Variants in CBL observed in about 807,000 individuals in gnomAD.
CBL encodes Cbl proto-oncogene.
A neutral mutation model predicts 96.9 loss-of-function variants in CBL; 45 were observed. The ratio of observed to expected loss-of-function variants is 0.46; its 90% CI spans 0.37 to 0.60. CBL has a LOEUF of 0.60. Among genes scored for constraint, CBL ranks in the 20% least tolerant of loss-of-function variants. The probability of loss-of-function intolerance (pLI) is 0.00; values close to 1 mark genes in which losing one functional copy is unlikely to be tolerated. For synonymous variants in CBL, 420 were observed against 426.8 expected (o/e 0.98, Z 0.20); for missense variants, 1,024 against 1,143.5 (o/e 0.90, Z 1.51).
chr11:119,208,050 A>C (rs1949288021), intron 1 of CBL, among the ~76,000 whole-genome samples: 1 of 152,220 alleles, frequency 6.6e-6, no homozygotes, highest in African/African-American at 2.4e-5. Flanking sequence ...AATTAATGAC[A>C]CAAGTATTCG....
chr11:119,267,418 C>A (rs534775335), intron 2 of CBL, among the ~76,000 whole-genome samples: 3 of 152,176 alleles, frequency 2.0e-5, no homozygotes, highest in Admixed American at 2.0e-4. Flanking sequence ...ATCTTTGATC[C>A]AACATAGTGC....
intron 2 of CBL, among the ~76,000 whole-genome samples, chr11:119,262,062 G>A (rs528085206): frequency 6.6e-6 from 1 of 152,284 alleles, no homozygotes; most frequent in Admixed American, 6.5e-5. Flanking sequence ...AACACTAAGT[G>A]ATCGAGTTGA....
chr11:119,255,476 A>G (rs919692301), intron 2 of CBL, among the ~76,000 whole-genome samples: 6 of 152,180 alleles, frequency 3.9e-5, no homozygotes, highest in African/African-American at 1.4e-4. Context: ...TGAATTGTTC[A>G]TAAATTTGCA....
chr11:119,239,278 T>A (rs1443413654), intron 2 of CBL, among the ~76,000 whole-genome samples: 1 of 152,214 alleles, frequency 6.6e-6, no homozygotes, highest in Non-Finnish European at 1.5e-5. Context: ...GCCTTACTTA[T>A]ATCTTCTTTA....
At chr11:119,278,833 G>A in intron 9 of CBL, 120 bp downstream of exon 9, 1 of 791,626 alleles carries the variant, frequency 1.3e-6, no homozygotes, top group South Asian at 1.5e-5. Context: ...TATTTATTGA[G>A]CATTTACTAT....
chr11:119,279,443 C>T (rs1019562700), intron 9 of CBL, among the ~76,000 whole-genome samples: 8 of 151,716 alleles, frequency 5.3e-5, no homozygotes, highest in Non-Finnish European at 7.4e-5. Flanking sequence ...CCCAGCAATT[C>T]GACATAGCAA....
chr11:119,280,395 G>A (rs1592402225), intron 9 of CBL, among the ~76,000 whole-genome samples: 1 of 152,140 alleles, frequency 6.6e-6, no homozygotes, highest in Non-Finnish European at 1.5e-5. Flanking sequence ...TTTTGTATGA[G>A]TAAAATAATT....
At chr11:119,258,625 A>G (rs1015982969) in intron 2 of CBL, among the ~76,000 whole-genome samples, 4 of 152,110 alleles carry the variant, frequency 2.6e-5, no homozygotes, top group African/African-American at 7.2e-5. Flanking sequence ...AAACCATTCA[A>G]TTGATCTATG....
chr11:119,303,688 CTG>C lies in CBL; in HGVS notation c.*3909_*3910del. ...TTGGTGTAAGTGTCATGGATACCGA[CTG>C]TTTTTATGTTGGAATTTGTTCCAAC... On this transcript the variant is annotated 3_prime_UTR_variant, in exon 16 of 16. Transcript: ENST00000264033. 4.3e-6 allele frequency: 1 copy of C among 233,700 alleles called. No homozygotes were observed. Among genetic ancestry groups the C allele is most frequent in the East Asian group, 6.0e-5 (1 of 16,600 alleles). The allele number at this position is 233,700 out of a possible 1,614,324, so 14.5% of individuals were successfully genotyped here.
chr11:119,297,019 C>T lies in CBL; in HGVS notation c.2138C>T (p.Thr713Ile). Residue 713 changes from threonine (T) to isoleucine (I), a missense_variant, in exon 13 of 16, where the codon ACA (threonine) becomes ATA (isoleucine). Physicochemically the swap from Thr to Ile is moderately conservative, Grantham distance 89. Coordinates refer to ENST00000264033, the MANE Select transcript of CBL (RefSeq NM_005188.4). Reference protein sequence around the residue: ...PSSRPLRPLDTSQSSRACDCD... With the variant: ...PSSRPLRPLDISQSSRACDCD... The stretch of plus-strand genomic sequence containing the variant: ...TCCAGGCCTCTACGGCCTTTGGATA[C>T]ATCCCAGAGTTCACGGTAGGTTCAC... The T allele has an allele frequency of 1.3e-6, 2 of 1,575,948 alleles. No individual in the cohort carries two copies. Among genetic ancestry groups the T allele is most frequent in the South Asian group, 2.2e-5 (2 of 90,370 alleles).
Position 119,303,418 on chromosome 11 carries a change from G to T in CBL, c.*3637G>T. 2 of 233,564 alleles carry T rather than the reference G, an allele frequency of 8.6e-6. No individual in the cohort carries two copies. The highest frequency in any genetic ancestry group is 1.7e-5 in the Non-Finnish European group (2 of 117,982). 14.5% of individuals were successfully genotyped at this position (233,564 alleles called of 1,614,324 possible). A position where few individuals can be genotyped will look rare whatever the true frequency, so the allele number is the denominator to read the frequency against. On this transcript the variant is annotated 3_prime_UTR_variant, in exon 16 of 16. Coordinates refer to ENST00000264033, the MANE Select transcript of CBL (RefSeq NM_005188.4). ...GATGACCATGTGCCAGAAATGTCAG[G>T]TATGTGTCCTTCCCTTGGCGCCACA...
intron 2 of CBL, among the ~76,000 whole-genome samples, chr11:119,246,208 C>T (rs941958261): frequency 2.6e-5 from 4 of 151,968 alleles, no homozygotes; most frequent in Admixed American, 6.6e-5. Context: ...CTCTTGACCT[C>T]GTGATCCGCC....
At chr11:119,249,956 CT>C (rs760420509) in intron 2 of CBL, among the ~76,000 whole-genome samples, 33 of 152,112 alleles carry the variant, frequency 2.2e-4, no homozygotes, top group Non-Finnish European at 4.0e-4. Context: ...CTGTGCCTGG[CT>C]TTTGTCTGCT....
Position 119,306,276 on chromosome 11 carries a change from G to T in CBL, c.*6495G>T. Reference sequence around the variant, plus strand: ...AGAAAAATGCAGCCGACCACTCCCTGTGTTTGTACAGAGCAAAGCCCAAAA... The same window carrying T: ...AGAAAAATGCAGCCGACCACTCCCTTTGTTTGTACAGAGCAAAGCCCAAAA... On this transcript the variant is annotated 3_prime_UTR_variant, in exon 16 of 16. Coordinates refer to ENST00000264033, the MANE Select transcript of CBL (RefSeq NM_005188.4). 2 of 398,636 alleles carry T rather than the reference G, an allele frequency of 5.0e-6. No homozygotes were observed. Among genetic ancestry groups the T allele is most frequent in the East Asian group, 7.1e-5 (2 of 28,076 alleles). 24.7% of individuals were successfully genotyped at this position (398,636 alleles called of 1,614,324 possible). A position where few individuals can be genotyped will look rare whatever the true frequency, so the allele number is the denominator to read the frequency against.
At position 119,206,339 on chromosome 11, in the gene CBL, C is replaced by A; in HGVS notation, c.-79C>A. On this transcript the variant is annotated 5_prime_UTR_variant, in exon 1 of 16. Coordinates refer to ENST00000264033, the MANE Select transcript of CBL (RefSeq NM_005188.4). ...CGGCGGCGGCCGGGAGAGGCCCCTC[C>A]TTCACGCCCTGCTTCTCTCCCTCGC... 1 of 1,178,558 alleles carries A rather than the reference C, an allele frequency of 8.5e-7. No individual in the cohort carries two copies. Among genetic ancestry groups the A allele is most frequent in the Non-Finnish European group, 1.1e-6 (1 of 892,352 alleles). The allele number at this position is 1,178,558 out of a possible 1,614,324, so 73.0% of individuals were successfully genotyped here.
At chr11:119,274,767 T>A in intron 4 of CBL, 65 bp from the exon 5 acceptor site, 1 of 1,465,514 alleles carries the variant, frequency 6.8e-7, no homozygotes, top group Non-Finnish European at 9.4e-7. Context: ...TTTTTTTTTC[T>A]CATTGCCCTC....
At chr11:119,270,436 A>ATATATTTTTT (rs1565870008) in intron 2 of CBL, among the ~76,000 whole-genome samples, 1 of 38,656 alleles carries the variant, frequency 2.6e-5, no homozygotes. Flanking sequence ...ATATATATAT[A>ATATATTTTTT]TTTTTTTTTT....
In CBL at chr11:119,278,570, G is replaced by A. The variant is rs991981291; in HGVS notation, c.1288G>A (p.Val430Met). 3 of 1,614,042 alleles carry A rather than the reference G, an allele frequency of 1.9e-6. No homozygotes were observed. Among genetic ancestry groups the A allele is most frequent in the African/African-American group, 1.3e-5 (1 of 74,916 alleles). Residue 430 changes from valine (V) to methionine (M), a missense_variant, in exon 9 of 16, where the codon GTG becomes ATG. Val to Met is a conservative substitution (Grantham distance 21, BLOSUM62 1). Transcript: ENST00000264033. Reference protein sequence around the residue: ...RCEIKGTEPIVVDPFDPRGSG... With the variant: ...RCEIKGTEPIMVDPFDPRGSG... ...TGAAATTAAAGGTACTGAACCCATC[G>A]TGGTAGATCCGTTTGATCCTAGAGG...
chr11:119,285,710 A>G, intron 11 of CBL, 144 bp downstream of exon 11: 1 of 889,864 alleles, frequency 1.1e-6, no homozygotes, highest in Non-Finnish European at 1.8e-6. Flanking sequence ...AGCCTGGGGG[A>G]CGTAGTGAAA....
Sources: allele counts gnomAD v4.1 joint callset (sites outside exome capture counted in the v4.1 genomes callset), GRCh38; gene constraint gnomAD v4.1.1; transcripts MANE v1.5; gene names NCBI Gene and HGNC (gene_info 2026-07-23, HGNC 2026-07-21).